ALKBH5: variants seen among roughly 807,000 people sequenced by gnomAD.
ALKBH5 encodes RNA demethylase ALKBH5.
A neutral mutation model predicts 32.1 loss-of-function variants in ALKBH5; 2 were observed. The ratio of observed to expected loss-of-function variants is 0.06; its 90% CI spans 0.03 to 0.20. ALKBH5 has a LOEUF of 0.20. Ranked by LOEUF, ALKBH5 falls within the 10% of genes least tolerant of loss-of-function variation. ALKBH5 has a pLI of 1.00. For synonymous variants in ALKBH5, 300 were observed against 231.7 expected (o/e 1.29, Z -2.68); for missense variants, 352 against 559.5 (o/e 0.63, Z 3.74).
Position 18,184,008 on chromosome 17 carries a change from T to G in ALKBH5, c.-236T>G. 6.2e-6 allele frequency: 4 copies of G among 649,070 alleles called. No individual in the cohort carries two copies. Among genetic ancestry groups the G allele is most frequent in the East Asian group, 3.1e-5 (1 of 32,018 alleles). 40.2% of individuals were successfully genotyped at this position (649,070 alleles called of 1,614,324 possible). On this transcript the variant is annotated 5_prime_UTR_variant, in exon 1 of 4. Transcript: ENST00000399138. ...GCCGGCGCCCCTGCCCCGCGGGACG[T>G]GGAGAAGGTGGAGGAGGAAGAAGCC...
chr17:18,203,505 C>T (rs575557907), intron 2 of ALKBH5, among the ~76,000 whole-genome samples: 253 of 152,328 alleles, frequency 1.7e-3, no homozygotes, highest in Non-Finnish European at 2.8e-3. Context: ...TGCCCGAGGT[C>T]ACATGCCCGA....
intron 1 of ALKBH5, among the ~76,000 whole-genome samples, chr17:18,193,347 A>G (rs905494192): frequency 1.5e-4 from 23 of 152,032 alleles, no homozygotes; most frequent in Non-Finnish European, 2.9e-4. Flanking sequence ...GGAGTTCAAG[A>G]CCATCCTGAC....
intron 1 of ALKBH5, among the ~76,000 whole-genome samples, chr17:18,186,046 T>C (rs2047137233): frequency 6.6e-6 from 1 of 152,114 alleles, no homozygotes; most frequent in Non-Finnish European, 1.5e-5. Context: ...GCCAAAGTCA[T>C]GAGGAGAAGC....
In ALKBH5 at chr17:18,184,740, A is replaced by G. The variant is rs1235723796; in HGVS notation, c.497A>G (p.Glu166Gly). Residue 166 changes from glutamate (E) to glycine (G), a missense_variant, in exon 1 of 4, where the codon GAG (glutamate) becomes GGG (glycine). By Grantham distance (98) the Glu-to-Gly change is moderately conservative. Around this residue, in one of 4 missense-constraint regions of ALKBH5, gnomAD observed 56 missense variants for 238.1 expected, o/e 0.24. Coordinates refer to ENST00000399138, the MANE Select transcript of ALKBH5 (RefSeq NM_017758.4). ...YPPGDVDEIP[E>G]WVHQLVIQKL... ...CCGGGCGACGTGGACGAGATCCCCG[A>G]GTGGGTGCACCAGCTGGTGATCCAA... The G allele has an allele frequency of 6.2e-7, 1 of 1,613,582 alleles. No homozygotes were observed. Among genetic ancestry groups the G allele is most frequent in the South Asian group, 1.1e-5 (1 of 91,088 alleles).
In ALKBH5 at chr17:18,191,591, T is replaced by A. The variant is rs1404848940; in HGVS notation, c.771-3364T>A. Among the ~76,000 whole-genome samples, 6 of 152,188 alleles carry A rather than the reference T, an allele frequency of 3.9e-5. 1 individual carries two copies. Among genetic ancestry groups the A allele is most frequent in the Admixed American group, 3.3e-4 (5 of 15,272 alleles). On this transcript the variant is annotated intron_variant, in intron 1 of 3. Transcript: ENST00000399138. Reference sequence around the variant, plus strand: ...GGAAGTCAGGGCCCTTGGTTATGCATATAGCCAAGTCAAACAGATTGATAA... The same window carrying A: ...GGAAGTCAGGGCCCTTGGTTATGCAAATAGCCAAGTCAAACAGATTGATAA...
rs1378416025 is a variant in ALKBH5, at chr17:18,208,901, A to G, written c.*505A>G. On this transcript the variant is annotated 3_prime_UTR_variant, in exon 4 of 4. Transcript: ENST00000399138. ...TGCTGTTCTCCACTTCTCACCTGCC[A>G]TCCACGCCCTGCAAGCTCATGCAAA... The G allele has an allele frequency of 2.1e-5, 5 of 232,616 alleles. No individual in the cohort carries two copies. The highest frequency in any genetic ancestry group is 1.0e-4 in the South Asian group (2 of 19,988). The allele number at this position is 232,616 out of a possible 1,614,324, so 14.4% of individuals were successfully genotyped here.
intron 2 of ALKBH5, among the ~76,000 whole-genome samples, chr17:18,197,043 C>T (rs2047208375): frequency 6.6e-6 from 1 of 152,176 alleles, no homozygotes; most frequent in Admixed American, 6.5e-5. Flanking sequence ...GCCCATAACT[C>T]CAGAATATTG....
At chr17:18,196,032 T>C (rs2047202137) in intron 2 of ALKBH5, among the ~76,000 whole-genome samples, 1 of 152,190 alleles carries the variant, frequency 6.6e-6, no homozygotes, top group Non-Finnish European at 1.5e-5. Context: ...ATCCCATTTC[T>C]CCTATTTGTT....
chr17:18,195,042 G>T lies in ALKBH5; in HGVS notation c.851+7G>T, dbSNP rs747478393. 1.6e-5 allele frequency: 26 copies of T among 1,612,098 alleles called. No homozygotes were observed. Among genetic ancestry groups the T allele is most frequent in the African/African-American group, 2.7e-5 (2 of 74,882 alleles). ...CAGTCATCATCCTCAGGAAGTAAGT[G>T]CCTTGATGTCTGACCTTCTGCCTCA... is the stretch of plus-strand genomic sequence containing the variant. On this transcript the variant is annotated splice_region_variant and intron_variant, in intron 2 of 3. Transcript: ENST00000399138.
intron 2 of ALKBH5, among the ~76,000 whole-genome samples, chr17:18,206,177 A>G (rs1053847128): frequency 7.9e-5 from 12 of 152,120 alleles, no homozygotes; most frequent in East Asian, 3.9e-4. Context: ...CTTGAAACCT[A>G]TGGCTACACC....
At chr17:18,207,821 G>C (rs967991577) in intron 3 of ALKBH5, among the ~76,000 whole-genome samples, 1 of 152,154 alleles carries the variant, frequency 6.6e-6, no homozygotes, top group Non-Finnish European at 1.5e-5. Context: ...GTGGTTTCAG[G>C]GGGTAATGGG....
intron 2 of ALKBH5, among the ~76,000 whole-genome samples, chr17:18,198,601 C>T (rs1341158171): frequency 2.0e-5 from 3 of 152,268 alleles, no homozygotes; most frequent in Admixed American, 6.5e-5. Context: ...GAGTTAGAGC[C>T]GGTCCTGCCT....
chr17:18,201,327 TG>T (rs1441595264), intron 2 of ALKBH5, among the ~76,000 whole-genome samples: 1 of 152,210 alleles, frequency 6.6e-6, no homozygotes, highest in African/African-American at 2.4e-5. Flanking sequence ...CCAAGGAATA[TG>T]GGTACAATGG....
chr17:18,184,351 C>A lies in ALKBH5; in HGVS notation c.108C>A (p.Ala36=). The A allele has an allele frequency of 4.6e-6, 7 of 1,512,810 alleles. No homozygotes were observed. The highest frequency in any genetic ancestry group is 6.2e-6 in the Non-Finnish European group (7 of 1,134,204). The allele number at this position is 1,512,810 out of a possible 1,614,324, so 93.7% of individuals were successfully genotyped here. A position where few individuals can be genotyped will look rare whatever the true frequency, so the allele number is the denominator to read the frequency against. The change falls in exon 1 of 4, where the codon GCC becomes GCA. Residue 36 remains alanine (A), a synonymous_variant. Transcript: ENST00000399138. ...GGGAGGCCGCCGCCGCTGCCGCAGC[C>A]GCCGTAGCCGCCGCAGCCGCAGCCG... ...GSREAAAAAA[A]AVAAAAAAAA...
intron 1 of ALKBH5, among the ~76,000 whole-genome samples, chr17:18,188,277 C>T (rs2047151708): frequency 6.6e-6 from 1 of 152,260 alleles, no homozygotes; most frequent in African/African-American, 2.4e-5. Flanking sequence ...TTACTTGCTG[C>T]TATCTTTAAT....
chr17:18,185,021 A>T lies in ALKBH5; in HGVS notation c.770+8A>T, dbSNP rs1270564000. ...AAGCGTGACTGTGCTCAGGTAACCC[A>T]CCCGGGTGGAGGGGGCGGCCCTGCG... is the stretch of plus-strand genomic sequence containing the variant. On this transcript the variant is annotated splice_region_variant and intron_variant, in intron 1 of 3. Coordinates refer to ENST00000399138, the MANE Select transcript of ALKBH5 (RefSeq NM_017758.4). 6.2e-7 allele frequency: 1 copy of T among 1,600,406 alleles called. No homozygotes were observed. Among genetic ancestry groups the T allele is most frequent in the African/African-American group, 1.3e-5 (1 of 74,774 alleles).
At chr17:18,206,762 C>T in intron 2 of ALKBH5, 53 bp from the exon 3 acceptor site, 1 of 1,587,584 alleles carries the variant, frequency 6.3e-7, no homozygotes, top group South Asian at 1.1e-5. Context: ...TCTGATGGTG[C>T]CCACACCTTC....
At chr17:18,187,282 G>C (rs1250792854) in intron 1 of ALKBH5, among the ~76,000 whole-genome samples, 1 of 152,082 alleles carries the variant, frequency 6.6e-6, no homozygotes, top group African/African-American at 2.4e-5. Context: ...CAACAGCAGT[G>C]TCTTTGGCTG....
chr17:18,203,255 GTAGTAGCTTTGTGACTCAAGC>G (rs1284888925), intron 2 of ALKBH5, among the ~76,000 whole-genome samples: 1 of 152,090 alleles, frequency 6.6e-6, no homozygotes, highest in Non-Finnish European at 1.5e-5. Flanking sequence ...AGAGTAGTAG[GTAGTAGCTTTGTGACTCAAGC>G]TAGTGATTTG....
Sources: allele counts gnomAD v4.1 joint callset (sites outside exome capture counted in the v4.1 genomes callset), GRCh38; gene constraint gnomAD v4.1.1; regional missense constraint gnomAD v4.1.1; transcripts MANE v1.5; gene names NCBI Gene and HGNC (gene_info 2026-07-23, HGNC 2026-07-21).